COLEC10: variants seen among roughly 807,000 people sequenced by gnomAD.
COLEC10 encodes the protein collectin subfamily member 10.
Under a neutral mutation model 28.4 loss-of-function variants are expected in COLEC10, and 22 were observed. The observed-to-expected ratio is 0.78, with a 90% CI of 0.55 to 1.11. The LOEUF is 1.11. Ranked by LOEUF, COLEC10 falls within the 50% of genes least tolerant of loss-of-function variation. The pLI, the probability that COLEC10 is intolerant of heterozygous loss-of-function variation, is 0.00. For synonymous variants in COLEC10, 125 were observed against 116.1 expected (o/e 1.08, Z -0.49); for missense variants, 361 against 344.1 (o/e 1.05, Z -0.39).
chr8:119,054,575 A>G (rs948073747), intron 2 of COLEC10, among the ~76,000 whole-genome samples: 8 of 152,118 alleles, frequency 5.3e-5, no homozygotes, highest in Non-Finnish European at 1.2e-4. Flanking sequence ...GCGGTACAAT[A>G]CTAAAACATA....
chr8:119,089,041 C>T (rs777277815), intron 1 of COLEC10, among the ~76,000 whole-genome samples: 15 of 152,192 alleles, frequency 9.9e-5, no homozygotes, highest in Non-Finnish European at 1.3e-4. Flanking sequence ...ACTCAATCAC[C>T]GGCCTGTTGA....
chr8:119,000,138 A>T (rs1813665883), intron 1 of COLEC10, among the ~76,000 whole-genome samples: 2 of 152,186 alleles, frequency 1.3e-5, no homozygotes. Flanking sequence ...CCATTATAAC[A>T]GGGAGAAAGG....
intron 2 of COLEC10, among the ~76,000 whole-genome samples, chr8:119,027,772 C>T (rs1179096297): frequency 6.6e-6 from 1 of 152,178 alleles, no homozygotes; most frequent in African/African-American, 2.4e-5. Context: ...TGCACTAACA[C>T]CTTCAGATGT....
chr8:119,021,433 A>T (rs1229078034), intron 2 of COLEC10, among the ~76,000 whole-genome samples: 1 of 152,174 alleles, frequency 6.6e-6, no homozygotes, highest in Non-Finnish European at 1.5e-5. Flanking sequence ...TGTCTCATGC[A>T]GTTTAGGAGC....
chr8:119,030,643 G>A (rs1814271720), intron 2 of COLEC10, among the ~76,000 whole-genome samples: 1 of 152,180 alleles, frequency 6.6e-6, no homozygotes, highest in Non-Finnish European at 1.5e-5. Context: ...CATAACAGCA[G>A]TCACTTCACT....
chr8:119,091,198 G>T lies in COLEC10; in HGVS notation c.270G>T (p.Lys90Asn). 7 of 1,612,590 alleles carry T rather than the reference G, an allele frequency of 4.3e-6. No homozygotes were observed. The highest frequency in any genetic ancestry group is 5.9e-6 in the Non-Finnish European group (7 of 1,179,284). ...TGGGAGATCAGGGCAATATTGGCAAGACTGGGCCCATTGGGAAGAAGGGTA... is the reference window on the plus strand; with the variant it reads ...TGGGAGATCAGGGCAATATTGGCAATACTGGGCCCATTGGGAAGAAGGGTA... ...GDMGDQGNIG[K>N]TGPIGKKGDK... Residue 90 changes from lysine to asparagine, a missense_variant, in exon 3 of 6, where the codon AAG becomes AAT. Lys to Asn is a moderately conservative substitution (Grantham distance 94). Around this residue, in one of 3 missense-constraint regions of COLEC10, gnomAD observed 335 missense variants for 308.5 expected, o/e 1.09. Coordinates refer to ENST00000332843, the MANE Select transcript of COLEC10 (RefSeq NM_006438.5).
At chr8:118,960,442 G>A in the COLEC10 span, among the ~76,000 whole-genome samples, 3 of 152,146 alleles carry the variant, frequency 2.0e-5, no homozygotes, top group African/African-American at 4.8e-5. Context: ...GTTATGCAAT[G>A]TGTAAGGGAG....
At chr8:118,959,572 AAATTC>A in the COLEC10 span, among the ~76,000 whole-genome samples, 1 of 152,236 alleles carries the variant, frequency 6.6e-6, no homozygotes, top group East Asian at 1.9e-4. Flanking sequence ...ATTTGCAATC[AAATTC>A]ACTGCTGAGT....
chr8:119,040,244 A>T (rs764923085), intron 2 of COLEC10, among the ~76,000 whole-genome samples: 1 of 152,202 alleles, frequency 6.6e-6, no homozygotes, highest in Non-Finnish European at 1.5e-5. Context: ...GCAGTTACCA[A>T]CCACAACAAT....
chr8:118,971,634 C>T, the COLEC10 span, among the ~76,000 whole-genome samples: 3 of 151,922 alleles, frequency 2.0e-5, no homozygotes, highest in Admixed American at 2.0e-4. Context: ...TTTTCTCTTT[C>T]AAGGGTATGC....
intron 2 of COLEC10, among the ~76,000 whole-genome samples, chr8:119,028,352 T>C (rs865919501): frequency 6.6e-6 from 1 of 152,212 alleles, no homozygotes; most frequent in Non-Finnish European, 1.5e-5. Flanking sequence ...TTAGTTCATT[T>C]ACATGCTGCT....
upstream of COLEC10, among the ~76,000 whole-genome samples, chr8:119,066,820 G>A (rs529684798): frequency 5.3e-5 from 8 of 152,292 alleles, no homozygotes; most frequent in South Asian, 1.7e-3. Context: ...GTGTTCAACA[G>A]GCACAAGCAG....
chr8:119,023,970 C>A (rs1330901273), intron 2 of COLEC10, among the ~76,000 whole-genome samples: 2 of 152,130 alleles, frequency 1.3e-5, no homozygotes, highest in Non-Finnish European at 2.9e-5. Context: ...CATGTATATT[C>A]CTTCTAGATA....
the COLEC10 span, among the ~76,000 whole-genome samples, chr8:118,963,533 T>C: frequency 1.3e-5 from 2 of 152,242 alleles, no homozygotes; most frequent in Non-Finnish European, 2.9e-5. Context: ...TAACGTGAAA[T>C]ATCCTATTTC....
At chr8:118,977,458 G>A in the COLEC10 span, among the ~76,000 whole-genome samples, 2 of 146,488 alleles carry the variant, frequency 1.4e-5, no homozygotes, top group East Asian at 4.2e-4. Flanking sequence ...TAGGGACATG[G>A]ATGAAATTGG....
chr8:118,958,678 T>C, the COLEC10 span, among the ~76,000 whole-genome samples: 1 of 152,258 alleles, frequency 6.6e-6, no homozygotes, highest in Non-Finnish European at 1.5e-5. Flanking sequence ...TGATTTGGAA[T>C]ACGATGAGAC....
intron 2 of COLEC10, among the ~76,000 whole-genome samples, chr8:119,013,053 G>T (rs1252926204): frequency 6.7e-5 from 10 of 149,666 alleles, no homozygotes; most frequent in African/African-American, 2.5e-4. Flanking sequence ...AAGCTTAGAT[G>T]ATTGAGTTTA....
At chr8:119,008,908 TA>T (rs1467988118) in intron 1 of COLEC10, among the ~76,000 whole-genome samples, 1 of 151,152 alleles carries the variant, frequency 6.6e-6, no homozygotes, top group Non-Finnish European at 1.5e-5. Context: ...GCCTGGCACA[TA>T]ACAGGCACCC....
At chr8:119,075,778 C>T (rs75666176) in intron 1 of COLEC10, among the ~76,000 whole-genome samples, 2 of 152,056 alleles carry the variant, frequency 1.3e-5, no homozygotes, top group African/African-American at 2.4e-5. Context: ...CCTGTGCCCC[C>T]CATTCTACCT....
Sources: allele counts gnomAD v4.1 joint callset (sites outside exome capture counted in the v4.1 genomes callset), GRCh38; gene constraint gnomAD v4.1.1; regional missense constraint gnomAD v4.1.1; transcripts MANE v1.5; gene names NCBI Gene and HGNC (gene_info 2026-07-23, HGNC 2026-07-21).